DCAF8L2: variants seen among roughly 807,000 people sequenced by gnomAD.
DCAF8L2 encodes the protein DDB1 and CUL4 associated factor 8 like 2, also known as DDB1- and CUL4-associated factor 8-like protein 2.
For missense variants in DCAF8L2, 430 were observed against 490.7 expected, an observed-to-expected ratio of 0.88 and a Z score of 1.17; for synonymous variants, 200 against 190.9, an observed-to-expected ratio of 1.05 and a Z score of -0.39.
At chrX:27,511,556 T>A in the DCAF8L2 span, among the ~76,000 whole-genome samples, 1 of 112,436 alleles carries the variant, frequency 8.9e-6, no homozygotes, top group African/African-American at 3.2e-5. Flanking sequence ...GAAGGTAATG[T>A]GTTATGATAA....
chrX:27,629,055 T>C (rs1776698781), intron 1 of DCAF8L2, among the ~76,000 whole-genome samples: 1 of 111,955 alleles, frequency 8.9e-6, no homozygotes, highest in African/African-American at 3.2e-5. Flanking sequence ...GCCCATTTTT[T>C]AAACTGGGTT....
At chrX:27,528,472 A>ATG in the DCAF8L2 span, among the ~76,000 whole-genome samples, 56 of 55,626 alleles carry the variant, frequency 1.0e-3, no homozygotes, top group South Asian at 4.4e-3. Flanking sequence ...GGTTATGTGT[A>ATG]TGTGTATATA....
At chrX:27,550,958 A>T in the DCAF8L2 span, among the ~76,000 whole-genome samples, 1 of 110,644 alleles carries the variant, frequency 9.0e-6, no homozygotes, top group African/African-American at 3.3e-5. Context: ...CAAGCTTATT[A>T]TTATTATATC....
intron 1 of DCAF8L2, among the ~76,000 whole-genome samples, chrX:27,595,949 A>G (rs1926337900): frequency 8.9e-6 from 1 of 111,949 alleles, no homozygotes; most frequent in Admixed American, 9.5e-5. Context: ...AGGATCATTG[A>G]ACCCAGGAAG....
At chrX:27,610,653 C>G (rs1220645816) in intron 1 of DCAF8L2, among the ~76,000 whole-genome samples, 2 of 111,702 alleles carry the variant, frequency 1.8e-5, no homozygotes, top group Non-Finnish European at 3.8e-5. Flanking sequence ...TGCCTCCTCT[C>G]TGGCCAAGAG....
chrX:27,600,253 CAAG>C (rs1926580356), intron 1 of DCAF8L2, among the ~76,000 whole-genome samples: 1 of 111,747 alleles, frequency 8.9e-6, no homozygotes, highest in Admixed American at 9.5e-5. Context: ...AATAAATTGA[CAAG>C]AAGACACTGA....
At chrX:27,512,743 A>G in the DCAF8L2 span, among the ~76,000 whole-genome samples, 1 of 96,773 alleles carries the variant, frequency 1.0e-5, no homozygotes. Context: ...TCATGTGTAA[A>G]TGCAAAAGAC....
At chrX:27,469,323 C>A in the DCAF8L2 span, among the ~76,000 whole-genome samples, 9 of 111,615 alleles carry the variant, frequency 8.1e-5, no homozygotes, top group South Asian at 2.6e-3. Flanking sequence ...CCTCTTCCTA[C>A]CTTGATCATC....
In DCAF8L2 at chrX:27,596,189, A is replaced by G. The variant is rs768461239; in HGVS notation, c.-342+5749A>G. ...ACTTTGAAGATTTTAAGTTTTAATA[A>G]TGTTTATTTTGTTGAGAGCAGGATT... On this transcript the variant is annotated intron_variant, in intron 1 of 4. Transcript: ENST00000451261. Among the ~76,000 whole-genome samples, 201 of 112,108 alleles carry G rather than the reference A, an allele frequency of 1.8e-3. 7 individuals carry two copies. The highest frequency in any genetic ancestry group is 1.3e-3 in the Non-Finnish European group (70 of 53,268).
At chrX:27,702,330 G>T (rs1931157840) in intron 3 of DCAF8L2, among the ~76,000 whole-genome samples, 1 of 106,149 alleles carries the variant, frequency 9.4e-6, no homozygotes, top group Non-Finnish European at 1.9e-5. Context: ...AAAAATAGAA[G>T]ATGGAGCAGG....
intron 2 of DCAF8L2, among the ~76,000 whole-genome samples, chrX:27,643,176 C>T (rs1051161560): frequency 1.8e-5 from 2 of 111,928 alleles, no homozygotes; most frequent in African/African-American, 6.5e-5. Flanking sequence ...AAATGCTGTA[C>T]CAATTTGCAT....
intron 1 of DCAF8L2, among the ~76,000 whole-genome samples, chrX:27,631,608 G>A (rs1314266009): frequency 1.8e-5 from 2 of 110,833 alleles, no homozygotes; most frequent in Non-Finnish European, 3.8e-5. Flanking sequence ...CACATTTTTA[G>A]GCAGCACAGA....
the DCAF8L2 span, among the ~76,000 whole-genome samples, chrX:27,470,217 T>G: frequency 8.9e-6 from 1 of 111,903 alleles, no homozygotes; most frequent in Non-Finnish European, 1.9e-5. Context: ...ATATAAGGGG[T>G]TTATCAAATA....
chrX:27,522,211 G>A, the DCAF8L2 span, among the ~76,000 whole-genome samples: 2 of 111,538 alleles, frequency 1.8e-5, no homozygotes, highest in Non-Finnish European at 3.8e-5. Context: ...ATTTTTAGTA[G>A]AGACGGGTTT....
the DCAF8L2 span, among the ~76,000 whole-genome samples, chrX:27,567,911 GTTGA>G: frequency 1.8e-5 from 2 of 110,556 alleles, no homozygotes; most frequent in Non-Finnish European, 3.8e-5. Context: ...AATACTTTGA[GTTGA>G]TTATTATACA....
the DCAF8L2 span, among the ~76,000 whole-genome samples, chrX:27,486,355 G>C: frequency 9.0e-6 from 1 of 110,677 alleles, no homozygotes; most frequent in Non-Finnish European, 1.9e-5. Context: ...GTCAAAAATA[G>C]GATTTCAATA....
intron 4 of DCAF8L2, among the ~76,000 whole-genome samples, chrX:27,726,460 T>C (rs1932073458): frequency 9.0e-6 from 1 of 111,257 alleles, no homozygotes; most frequent in Admixed American, 9.6e-5. Flanking sequence ...ATGTATTATA[T>C]ATACATAGCT....
At chrX:27,502,333 AAAATATATATATATATATATATAT>A in the DCAF8L2 span, among the ~76,000 whole-genome samples, 16 of 23,308 alleles carry the variant, frequency 6.9e-4, no homozygotes, top group South Asian at 7.6e-3. Context: ...AAAAAAAAAA[AAAATATATATATATATATATATAT>A]ATATATATAT....
intron 4 of DCAF8L2, among the ~76,000 whole-genome samples, chrX:27,743,549 C>A (rs937148361): frequency 7.4e-5 from 8 of 108,108 alleles, no homozygotes; most frequent in African/African-American, 2.4e-4. Context: ...ATTCACGCCA[C>A]CACGACCGGC....
Sources: allele counts gnomAD v4.1 joint callset (sites outside exome capture counted in the v4.1 genomes callset), GRCh38; gene constraint gnomAD v4.1.1; transcripts MANE v1.5; gene names NCBI Gene and HGNC (gene_info 2026-07-23, HGNC 2026-07-21).